The following BDP1 variants were observed in gnomAD, a reference collection of about 807,000 sequenced individuals.
BDP1 encodes BDP1 general transcription factor IIIB subunit.
Under a neutral mutation model 266.6 loss-of-function variants are expected in BDP1, and 169 were observed. The ratio of observed to expected loss-of-function variants is 0.63; its 90% CI spans 0.56 to 0.72. BDP1 has a LOEUF of 0.72. Among genes scored for constraint, BDP1 ranks in the 30% least tolerant of loss-of-function variants. The pLI is 0.00. For missense variants in BDP1, 3,015 were observed against 3,053.8 expected, an observed-to-expected ratio of 0.99 and a Z score of 0.30; for synonymous variants, 1,090 against 1,022.4, an observed-to-expected ratio of 1.07 and a Z score of -1.26.
Position 71,566,405 on chromosome 5 carries a change from G to GT in BDP1, c.*1524dup, listed in dbSNP as rs1290892772. On this transcript the variant is annotated 3_prime_UTR_variant, in exon 39 of 39. Transcript: ENST00000358731. Reference sequence around the variant, plus strand: ...TATCATCAGTATGAATTTAAGGTTTGTTTTAATTTCAAGATTTGATTTTTT... The same window carrying GT: ...TATCATCAGTATGAATTTAAGGTTTGTTTTTAATTTCAAGATTTGATTTTTT... 1 of 152,160 alleles carries GT rather than the reference G, an allele frequency of 6.6e-6. No individual in the cohort carries two copies. The highest frequency in any genetic ancestry group is 2.4e-5 in the African/African-American group (1 of 41,444). 9.4% of individuals were successfully genotyped at this position (152,160 alleles called of 1,614,324 possible). A position where few individuals can be genotyped will look rare whatever the true frequency, so the allele number is the denominator to read the frequency against.
In BDP1 at chr5:71,526,203, G is replaced by A. The variant is rs190313292; in HGVS notation, c.5772+1880G>A. 2.3e-3 allele frequency among the ~76,000 whole-genome samples: 348 copies of A among 152,328 alleles called. 2 individuals are homozygous for A. The highest frequency in any genetic ancestry group is 8.0e-3 in the African/African-American group (334 of 41,574). The stretch of plus-strand genomic sequence containing the variant: ...TGCCATCCCGGCACCTCGGGAGGCC[G>A]AGGCTGGCGGATCACTCGCGGTTAG... On this transcript the variant is annotated intron_variant, in intron 25 of 38. Coordinates refer to ENST00000358731, the MANE Select transcript of BDP1 (RefSeq NM_018429.3).
chr5:71,522,420 A>G lies in BDP1; in HGVS notation c.5123A>G (p.Gln1708Arg). ...EPVLEKVTTD[Q>R]SKEGKPEDHL... ...GTTTTAGAAAAAGTCACAACAGATCAGAGCAAGGAAGGCAAGCCAGAAGAT... is the reference window on the plus strand; with the variant it reads ...GTTTTAGAAAAAGTCACAACAGATCGGAGCAAGGAAGGCAAGCCAGAAGAT... Residue 1708 changes from glutamine to arginine, a missense_variant, in exon 23 of 39, where the codon CAG becomes CGG. Coordinates refer to ENST00000358731, the MANE Select transcript of BDP1 (RefSeq NM_018429.3). 6.2e-7 allele frequency: 1 copy of G among 1,613,976 alleles called. No homozygotes were observed. The highest frequency in any genetic ancestry group is 8.5e-7 in the Non-Finnish European group (1 of 1,179,988).
the BDP1 span, among the ~76,000 whole-genome samples, chr5:71,574,531 T>C: frequency 2.0e-5 from 3 of 152,214 alleles, no homozygotes; most frequent in African/African-American, 7.2e-5. Context: ...GAAAGAATCA[T>C]GTTAGTTGGG....
rs577414537 is a variant in BDP1, at chr5:71,506,884, G to A, written c.2372+2133G>A. Among the ~76,000 whole-genome samples the A allele has an allele frequency of 1.3e-5, 2 of 151,686 alleles. 1 individual carries two copies. The highest frequency in any genetic ancestry group is 1.3e-4 in the Admixed American group (2 of 15,176). The stretch of plus-strand genomic sequence containing the variant: ...CACCCAGGCTGGAGTGCAGTGGTGT[G>A]ATCATGGCTTACTGCAGCATTCACC... On this transcript the variant is annotated intron_variant, in intron 16 of 38. Transcript: ENST00000358731.
Position 71,544,633 on chromosome 5 carries a change from A to G in BDP1, c.6563+126A>G, listed in dbSNP as rs923080869. The G allele has an allele frequency of 6.1e-6, 6 of 978,090 alleles. No individual in the cohort carries two copies. The African/African-American group carries it at 1.0e-4, about 16-fold the overall frequency. The allele number at this position is 978,090 out of a possible 1,614,324, so 60.6% of individuals were successfully genotyped here. ...GGTGGCTCACGCCTGTAATCCCGGC[A>G]CTTTGGGAGGCCAAGACGGGAGGAT... On this transcript the variant is annotated intron_variant, in intron 31 of 38. Coordinates refer to ENST00000358731, the MANE Select transcript of BDP1 (RefSeq NM_018429.3).
At chr5:71,542,014 T>G in intron 29 of BDP1, 91 bp from the exon 30 acceptor site, 1 of 1,018,180 alleles carries the variant, frequency 9.8e-7, no homozygotes, top group Non-Finnish European at 1.4e-6. Flanking sequence ...ACCTAACAGG[T>G]CATTCACTCT....
At chr5:71,529,070 C>T (rs542243671) in intron 25 of BDP1, among the ~76,000 whole-genome samples, 18 of 152,074 alleles carry the variant, frequency 1.2e-4, no homozygotes, top group Non-Finnish European at 2.4e-4. Flanking sequence ...CAGGGAAATT[C>T]ATATATATGT....
chr5:71,542,356 TTTAAC>T (rs1309574719), intron 30 of BDP1, 91 bp downstream of exon 30: 23 of 1,173,218 alleles, frequency 2.0e-5, no homozygotes, highest in Non-Finnish European at 2.8e-5. Flanking sequence ...ATTAAATTGT[TTTAAC>T]TTACAATAAA....
intron 25 of BDP1, among the ~76,000 whole-genome samples, chr5:71,530,155 A>G (rs369111224): frequency 1.1e-4 from 16 of 151,992 alleles, no homozygotes; most frequent in African/African-American, 3.4e-4. Context: ...TCCAGTCCCA[A>G]CTCTTCAAGA....
chr5:71,532,737 C>T (rs1461979423), intron 26 of BDP1, among the ~76,000 whole-genome samples: 2 of 152,144 alleles, frequency 1.3e-5, no homozygotes, highest in African/African-American at 4.8e-5. Flanking sequence ...TATTTATTTG[C>T]CTTTGCAAGC....
intron 34 of BDP1, among the ~76,000 whole-genome samples, chr5:71,551,705 A>C (rs1742774421): frequency 6.6e-6 from 1 of 150,784 alleles, no homozygotes; most frequent in Non-Finnish European, 1.5e-5. Context: ...GGCGCCCCTC[A>C]CTTCCCAGCA....
chr5:71,574,360 C>G, the BDP1 span, among the ~76,000 whole-genome samples: 2 of 152,180 alleles, frequency 1.3e-5, no homozygotes, highest in Non-Finnish European at 2.9e-5. Context: ...ATGGCACCCC[C>G]CTGTCAGGAA....
chr5:71,470,950 AGT>A (rs2150365880), intron 7 of BDP1, among the ~76,000 whole-genome samples: 1 of 151,594 alleles, frequency 6.6e-6, no homozygotes, highest in Non-Finnish European at 1.5e-5. Context: ...TTTATTGAAA[AGT>A]AATATTTATC....
intron 3 of BDP1, among the ~76,000 whole-genome samples, chr5:71,462,210 G>A (rs1472570342): frequency 2.6e-5 from 4 of 152,080 alleles, no homozygotes; most frequent in South Asian, 2.1e-4. Context: ...TGATCCACCC[G>A]CTTCGGCTTT....
At chr5:71,483,324 A>G (rs192713209) in intron 7 of BDP1, among the ~76,000 whole-genome samples, 4 of 152,316 alleles carry the variant, frequency 2.6e-5, no homozygotes, top group Admixed American at 1.3e-4. Flanking sequence ...GTAATCTGGT[A>G]GTAAACTGAG....
chr5:71,518,476 T>G (rs1383289665), intron 22 of BDP1, among the ~76,000 whole-genome samples: 1 of 152,120 alleles, frequency 6.6e-6, no homozygotes, highest in Non-Finnish European at 1.5e-5. Context: ...TGAGACAAGG[T>G]GTCTCACTGT....
At chr5:71,550,836 G>C (rs1742690856) in intron 34 of BDP1, among the ~76,000 whole-genome samples, 1 of 152,052 alleles carries the variant, frequency 6.6e-6, no homozygotes, top group African/African-American at 2.4e-5. Context: ...CTCCCAAGTA[G>C]CTGGGACTAT....
At chr5:71,482,707 T>C (rs1486534205) in intron 7 of BDP1, among the ~76,000 whole-genome samples, 1 of 152,232 alleles carries the variant, frequency 6.6e-6, no homozygotes, top group African/African-American at 2.4e-5. Context: ...TTGATATTTC[T>C]TTTAGGACAT....
the BDP1 span, among the ~76,000 whole-genome samples, chr5:71,574,277 A>T: frequency 6.6e-6 from 1 of 152,222 alleles, no homozygotes; most frequent in African/African-American, 2.4e-5. Flanking sequence ...GCAGAAAAAA[A>T]TGCCAGGACT....
Sources: gnomAD v4.1 joint callset for allele counts (sites outside exome capture counted in the v4.1 genomes callset) on GRCh38, gnomAD v4.1.1 for gene constraint, MANE v1.5 for transcripts, NCBI Gene and HGNC (gene_info 2026-07-23, HGNC 2026-07-21) for gene names.